PRSS23: variants seen among roughly 807,000 people sequenced by gnomAD.
The protein encoded by PRSS23 is protease, serine 23.
In PRSS23, 25 loss-of-function variants were observed where a neutral mutation model predicts 34.7. That is an observed-to-expected ratio of 0.72 (90% CI 0.53 to 1.01). The LOEUF is 1.01. Ranked by LOEUF, PRSS23 falls within the 50% of genes least tolerant of loss-of-function variation. PRSS23 has a pLI of 0.00. For missense variants in PRSS23, 445 were observed against 475.6 expected (o/e 0.94, Z 0.60); for synonymous variants, 176 against 186.6 (o/e 0.94, Z 0.46).
At chr11:86,938,991 C>T (rs1014704850) in intron 2 of PRSS23, 1 of 438,644 alleles carries the variant, frequency 2.3e-6, no homozygotes, top group Non-Finnish European at 4.5e-6. Context: ...AAATTTCTCA[C>T]TTGATGTATT....
chr11:86,905,475 C>T (rs1196995565), intron 2 of PRSS23, among the ~76,000 whole-genome samples: 1 of 152,126 alleles, frequency 6.6e-6, no homozygotes, highest in Non-Finnish European at 1.5e-5. Flanking sequence ...TTTCCCGCCA[C>T]AAGCAGACAC....
intron 2 of PRSS23, among the ~76,000 whole-genome samples, chr11:86,929,966 T>C (rs1391222834): frequency 6.6e-6 from 1 of 152,124 alleles, no homozygotes; most frequent in East Asian, 1.9e-4. Context: ...GTAAAAAGTA[T>C]ATACATTAGT....
chr11:86,911,154 G>GT (rs1948974512), intron 2 of PRSS23: 1 of 151,968 alleles, frequency 6.6e-6, no homozygotes, highest in Non-Finnish European at 1.5e-5. Context: ...GACTAAACAA[G>GT]TTTCATGATT....
At chr11:86,840,473 C>T (rs1948439212) in intron 2 of PRSS23, among the ~76,000 whole-genome samples, 1 of 152,124 alleles carries the variant, frequency 6.6e-6, no homozygotes, top group African/African-American at 2.4e-5. Context: ...AAAGCAAGTC[C>T]TTAGAGACCT....
chr11:86,927,909 C>G (rs984032424), intron 2 of PRSS23, among the ~76,000 whole-genome samples: 5 of 151,602 alleles, frequency 3.3e-5, no homozygotes, highest in African/African-American at 9.7e-5. Flanking sequence ...CCACTGCACT[C>G]CAGCCTGGGT....
intron 2 of PRSS23, among the ~76,000 whole-genome samples, chr11:86,856,140 A>G (rs1948569386): frequency 6.6e-6 from 1 of 152,208 alleles, no homozygotes; most frequent in African/African-American, 2.4e-5. Flanking sequence ...CTATAACTTC[A>G]ACAAATGTAA....
intron 2 of PRSS23, among the ~76,000 whole-genome samples, chr11:86,929,337 A>AAC (rs1555082963): frequency 1.4e-5 from 2 of 147,386 alleles, no homozygotes; most frequent in African/African-American, 5.0e-5. Context: ...AAAAAAAACA[A>AAC]AAAAAAAAAC....
At chr11:86,817,644 C>A (rs1363534109) in intron 1 of PRSS23, among the ~76,000 whole-genome samples, 1 of 152,134 alleles carries the variant, frequency 6.6e-6, no homozygotes. Flanking sequence ...GAAAATCCAT[C>A]CAAGAATCCT....
intron 2 of PRSS23, among the ~76,000 whole-genome samples, chr11:86,853,900 T>A (rs1948549695): frequency 6.6e-6 from 1 of 152,246 alleles, no homozygotes; most frequent in African/African-American, 2.4e-5. Flanking sequence ...TGTTTGTTTA[T>A]CATATCCATC....
chr11:86,865,420 T>A (rs972918444), intron 2 of PRSS23, among the ~76,000 whole-genome samples: 2 of 152,210 alleles, frequency 1.3e-5, no homozygotes, highest in African/African-American at 2.4e-5. Context: ...ATCATCACTG[T>A]CACTCTGATG....
intron 2 of PRSS23, among the ~76,000 whole-genome samples, chr11:86,880,855 T>C (rs1948768059): frequency 6.6e-6 from 1 of 152,224 alleles, no homozygotes; most frequent in Non-Finnish European, 1.5e-5. Context: ...CAGAGTATTA[T>C]ATGGAAAAAT....
At chr11:86,813,104 C>G (rs1325316606), downstream of PRSS23, among the ~76,000 whole-genome samples, 1 of 152,178 alleles carries the variant, frequency 6.6e-6, no homozygotes, top group Non-Finnish European at 1.5e-5. Context: ...TTGCTTGCTG[C>G]TTCTCAGATA....
chr11:86,823,720 G>C (rs1260418862), intron 2 of PRSS23: 2 of 643,136 alleles, frequency 3.1e-6, no homozygotes, highest in Admixed American at 4.4e-5. Context: ...CAAGAATTCA[G>C]AGCAGGCCGG....
intron 2 of PRSS23, chr11:86,937,623 CCAT>C (rs1176431896): frequency 6.6e-6 from 1 of 152,202 alleles, no homozygotes; most frequent in Non-Finnish European, 1.5e-5. Flanking sequence ...CCCACCAGCA[CCAT>C]GACAGTTTAC....
chr11:86,867,989 C>T (rs1478518191), intron 2 of PRSS23, among the ~76,000 whole-genome samples: 6 of 152,050 alleles, frequency 3.9e-5, no homozygotes, highest in East Asian at 1.9e-4. Context: ...CTACTCGCCT[C>T]GGCCCCTCTT....
At chr11:86,814,369 G>GGAT, downstream of PRSS23, among the ~76,000 whole-genome samples, 1 of 152,056 alleles carries the variant, frequency 6.6e-6, no homozygotes, top group East Asian at 1.9e-4. Flanking sequence ...AGGAAGAGGA[G>GGAT]GAGGAGGAGG....
chr11:86,926,321 C>T (rs1220177623), intron 2 of PRSS23, among the ~76,000 whole-genome samples: 3 of 152,158 alleles, frequency 2.0e-5, no homozygotes, highest in African/African-American at 7.2e-5. Flanking sequence ...CAAGATCGCA[C>T]CACTGCACTC....
chr11:86,808,615 G>A lies in PRSS23; in HGVS notation c.972G>A (p.Met324Ile). Reference sequence around the variant, plus strand: ...GCGGGTCTGGGGTCTATGTGAGGATGTGGAAGAGACAGCAGCAGAAGTGGG... The same window carrying A: ...GCGGGTCTGGGGTCTATGTGAGGATATGGAAGAGACAGCAGCAGAAGTGGG... ...GASGSGVYVR[M>I]WKRQQQKWER... The change falls in exon 2 of 2, where the codon ATG (methionine) becomes ATA (isoleucine). Residue 324 changes from methionine to isoleucine, a missense_variant. Physicochemically the swap from Met to Ile is conservative, Grantham distance 10 (BLOSUM62 1). Transcript: ENST00000280258. The A allele has an allele frequency of 6.2e-7, 1 of 1,614,228 alleles. No homozygotes were observed. Among genetic ancestry groups the A allele is most frequent in the Non-Finnish European group, 8.5e-7 (1 of 1,180,048 alleles).
chr11:86,833,002 G>T (rs1948372361), intron 2 of PRSS23: 3 of 420,370 alleles, frequency 7.1e-6, no homozygotes, highest in South Asian at 6.3e-5. Flanking sequence ...CTAAAAGACT[G>T]AGAAAAAAAA....
Sources: gnomAD v4.1 joint callset for allele counts (sites outside exome capture counted in the v4.1 genomes callset) on GRCh38, gnomAD v4.1.1 for gene constraint, MANE v1.5 for transcripts, NCBI Gene and HGNC (gene_info 2026-07-23, HGNC 2026-07-21) for gene names.